The following NEK7 variants were observed in gnomAD, a reference collection of about 807,000 sequenced individuals.
NEK7 encodes NIMA related kinase 7.
In NEK7, 18 loss-of-function variants were observed where a neutral mutation model predicts 44.6. The observed-to-expected ratio is 0.40, with a 90% CI of 0.28 to 0.60. NEK7 has a LOEUF of 0.60. NEK7 is among the 20% of genes least tolerant of loss of function. NEK7 has a pLI of 0.38. For synonymous variants in NEK7, 130 were observed against 121.1 expected (o/e 1.07, Z -0.48); for missense variants, 256 against 366.5 (o/e 0.70, Z 2.46).
At chr1:198,265,606 G>A (rs770501840) in intron 5 of NEK7, among the ~76,000 whole-genome samples, 16 of 152,026 alleles carry the variant, frequency 1.1e-4, no homozygotes, top group African/African-American at 2.7e-4. Context: ...CCTAGTTAGA[G>A]GCAGAGACAA....
intron 7 of NEK7, among the ~76,000 whole-genome samples, chr1:198,285,011 A>C (rs1654325040): frequency 6.6e-6 from 1 of 151,934 alleles, no homozygotes; most frequent in Non-Finnish European, 1.5e-5. Context: ...AACTGAGATC[A>C]CTCTATTTAA....
chr1:198,285,401 T>C (rs867747292), intron 7 of NEK7, among the ~76,000 whole-genome samples: 12 of 152,218 alleles, frequency 7.9e-5, no homozygotes, highest in African/African-American at 2.7e-4. Flanking sequence ...AAAGCCTCAA[T>C]TGCTTAGCAA....
intron 2 of NEK7, among the ~76,000 whole-genome samples, chr1:198,250,290 G>A (rs1384463459): frequency 1.3e-4 from 20 of 149,124 alleles, no homozygotes; most frequent in African/African-American, 1.5e-4. Flanking sequence ...TAGCCTTGTA[G>A]TATAGTTTGA....
intron 1 of NEK7, among the ~76,000 whole-genome samples, chr1:198,210,040 C>T (rs771789912): frequency 9.2e-5 from 14 of 152,116 alleles, no homozygotes; most frequent in Non-Finnish European, 1.5e-4. Context: ...TTAGGCAGTC[C>T]GCCTGCCTGG....
intron 1 of NEK7, among the ~76,000 whole-genome samples, chr1:198,165,601 C>CTGTA (rs1216642511): frequency 1.3e-5 from 2 of 152,298 alleles, no homozygotes; most frequent in East Asian, 3.9e-4. Context: ...AAAAACCATG[C>CTGTA]TGTAAACTGA....
intron 1 of NEK7, among the ~76,000 whole-genome samples, chr1:198,217,840 T>TAAAAAAAAAAAAAAAAAAA (rs35485996): frequency 9.3e-6 from 1 of 107,254 alleles, no homozygotes. Flanking sequence ...ACAATAGCTA[T>TAAAAAAAAAAAAAAAAAAA]AAAAAAAAAA....
Position 198,321,121 on chromosome 1 carries a change from T to C in NEK7, c.*1599T>C, listed in dbSNP as rs1655523293. 1 of 152,182 alleles carries C rather than the reference T, an allele frequency of 6.6e-6. No individual in the cohort carries two copies. The highest frequency in any genetic ancestry group is 2.1e-4 in the South Asian group (1 of 4,828). 9.4% of individuals were successfully genotyped at this position (152,182 alleles called of 1,614,324 possible). ...TAGCCGATGTAACTGCTGGTTTTGTTTTTCATATGTGTTTTTCTTACACTC... is the reference window on the plus strand; with the variant it reads ...TAGCCGATGTAACTGCTGGTTTTGTCTTTCATATGTGTTTTTCTTACACTC... On this transcript the variant is annotated 3_prime_UTR_variant, in exon 10 of 10. Coordinates refer to ENST00000367385, the MANE Select transcript of NEK7 (RefSeq NM_133494.3).
At chr1:198,166,549 AG>A (rs1363052352) in intron 1 of NEK7, among the ~76,000 whole-genome samples, 10 of 152,186 alleles carry the variant, frequency 6.6e-5, no homozygotes, top group Middle Eastern at 3.2e-3. Context: ...AGGCCATTGT[AG>A]GGTTATTAAT....
intron 5 of NEK7, among the ~76,000 whole-genome samples, chr1:198,273,018 G>A (rs1336006642): frequency 6.6e-6 from 1 of 151,330 alleles, no homozygotes; most frequent in East Asian, 1.9e-4. Context: ...ATATATTTTT[G>A]GCTTGCATTA....
intron 8 of NEK7, among the ~76,000 whole-genome samples, chr1:198,296,270 G>A (rs558897252): frequency 2.0e-5 from 3 of 152,152 alleles, no homozygotes; most frequent in African/African-American, 4.8e-5. Context: ...CTGGCACTCC[G>A]TGTTGTATTC....
intron 3 of NEK7, among the ~76,000 whole-genome samples, chr1:198,255,502 A>G (rs539367696): frequency 6.6e-6 from 1 of 152,256 alleles, no homozygotes; most frequent in Non-Finnish European, 1.5e-5. Flanking sequence ...AGAAGGGAAG[A>G]AAGAAAGAAT....
rs771888216 is a variant in NEK7 at position 198,321,738 on chromosome 1, T to A, written c.*2216T>A. On this transcript the variant is annotated 3_prime_UTR_variant, in exon 10 of 10. Transcript: ENST00000367385. ...AAACCACTGTGTAAAAATCAAATTTTAATTTTGAATGGAATAATTTCAAAG... is the reference window on the plus strand; with the variant it reads ...AAACCACTGTGTAAAAATCAAATTTAAATTTTGAATGGAATAATTTCAAAG... 1 of 152,154 alleles carries A rather than the reference T, an allele frequency of 6.6e-6. No homozygotes were observed. The highest frequency in any genetic ancestry group is 2.4e-5 in the African/African-American group (1 of 41,456). The allele number at this position is 152,154 out of a possible 1,614,324, so 9.4% of individuals were successfully genotyped here. A position where few individuals can be genotyped will look rare whatever the true frequency, so the allele number is the denominator to read the frequency against.
At position 198,321,659 on chromosome 1, in the gene NEK7, T is replaced by C. The variant is rs929968631; in HGVS notation, c.*2137T>C. The C allele has an allele frequency of 6.6e-5, 10 of 152,166 alleles. No individual in the cohort carries two copies. Among genetic ancestry groups the C allele is most frequent in the African/African-American group, 1.9e-4 (8 of 41,456 alleles). 9.4% of individuals were successfully genotyped at this position (152,166 alleles called of 1,614,324 possible). On this transcript the variant is annotated 3_prime_UTR_variant, in exon 10 of 10. Transcript: ENST00000367385. The stretch of plus-strand genomic sequence containing the variant: ...TCATTATTTCTATATGTGGAAACTT[T>C]TTGCTTCGAATATTGTATCTTTTTA...
chr1:198,257,911 TAATTA>T (rs1375765504), intron 3 of NEK7, among the ~76,000 whole-genome samples: 1 of 152,130 alleles, frequency 6.6e-6, no homozygotes, highest in Non-Finnish European at 1.5e-5. Flanking sequence ...TGGGACACAA[TAATTA>T]AATCCAACAT....
chr1:198,297,013 G>A (rs181849139), intron 8 of NEK7, 114 bp from the exon 9 acceptor site: 10 of 638,784 alleles, frequency 1.6e-5, no homozygotes, highest in Non-Finnish European at 2.6e-5. Context: ...AAATGCCCAG[G>A]TATCTCTATT....
At chr1:198,284,945 G>T (rs1204357707) in intron 7 of NEK7, among the ~76,000 whole-genome samples, 1 of 152,032 alleles carries the variant, frequency 6.6e-6, no homozygotes, top group Admixed American at 6.6e-5. Flanking sequence ...GCATTTTAAA[G>T]CACGTTTTCT....
At chr1:198,256,897 T>C (rs1184463323) in intron 3 of NEK7, among the ~76,000 whole-genome samples, 1 of 152,208 alleles carries the variant, frequency 6.6e-6, no homozygotes, top group Non-Finnish European at 1.5e-5. Flanking sequence ...CTCTATTTTA[T>C]TATATTTTGC....
At chr1:198,214,595 G>A (rs1665863272) in intron 1 of NEK7, among the ~76,000 whole-genome samples, 1 of 152,124 alleles carries the variant, frequency 6.6e-6, no homozygotes, top group Admixed American at 6.5e-5. Flanking sequence ...AGAGCTTGAA[G>A]CAAGGCTTTC....
intron 7 of NEK7, among the ~76,000 whole-genome samples, chr1:198,292,570 A>G (rs533714460): frequency 2.2e-4 from 34 of 152,150 alleles, no homozygotes; most frequent in African/African-American, 7.7e-4. Flanking sequence ...TAAATAAATT[A>G]TCATGCTTAA....
Sources: allele counts gnomAD v4.1 joint callset (sites outside exome capture counted in the v4.1 genomes callset), GRCh38; gene constraint gnomAD v4.1.1; transcripts MANE v1.5; gene names NCBI Gene and HGNC (gene_info 2026-07-23, HGNC 2026-07-21).